GPHN: variants seen among roughly 807,000 people sequenced by gnomAD.
GPHN encodes the protein gephyrin.
A neutral mutation model predicts 95.5 loss-of-function variants in GPHN; 17 were observed. The observed-to-expected ratio is 0.18, with a 90% CI of 0.12 to 0.27. The LOEUF is 0.27. Among genes scored for constraint, GPHN ranks in the 10% least tolerant of loss-of-function variants. The pLI is 1.00. For missense variants in GPHN, 660 were observed against 978.1 expected (o/e 0.67, Z 4.34); for synonymous variants, 320 against 322.5 (o/e 0.99, Z 0.08).
intron 1 of GPHN, among the ~76,000 whole-genome samples, chr14:66,546,605 A>C (rs1279552265): frequency 1.3e-5 from 2 of 152,104 alleles, no homozygotes; most frequent in African/African-American, 4.8e-5. Flanking sequence ...CCCCGTCTCC[A>C]CCAAAAAAAT....
chr14:66,645,707 G>C (rs1003196520), intron 1 of GPHN, among the ~76,000 whole-genome samples: 1 of 141,044 alleles, frequency 7.1e-6, no homozygotes, highest in Non-Finnish European at 1.5e-5. Flanking sequence ...AAAAAAAAAA[G>C]AAAATTTTTT....
the GPHN span, among the ~76,000 whole-genome samples, chr14:67,202,172 G>A: frequency 6.6e-5 from 10 of 152,210 alleles, no homozygotes; most frequent in South Asian, 1.0e-3. Context: ...CAGGCACAGC[G>A]GCTCACGCCT....
chr14:67,017,228 G>C (rs2073364898), intron 9 of GPHN, among the ~76,000 whole-genome samples: 1 of 152,030 alleles, frequency 6.6e-6, no homozygotes, highest in Non-Finnish European at 1.5e-5. Context: ...CCAAATACTT[G>C]CATCCTAATT....
the GPHN span, among the ~76,000 whole-genome samples, chr14:67,195,107 A>T: frequency 1.3e-5 from 2 of 152,242 alleles, no homozygotes; most frequent in African/African-American, 4.8e-5. Context: ...AAAATTTAGC[A>T]CACACTTCTC....
chr14:67,618,322 G>C, the GPHN span, among the ~76,000 whole-genome samples: 1 of 152,056 alleles, frequency 6.6e-6, no homozygotes, highest in East Asian at 1.9e-4. Context: ...CTTCTAACAA[G>C]TATCTGGTGA....
At chr14:66,541,805 C>G (rs1216719474) in intron 1 of GPHN, among the ~76,000 whole-genome samples, 1 of 152,176 alleles carries the variant, frequency 6.6e-6, no homozygotes, top group Non-Finnish European at 1.5e-5. Flanking sequence ...AACAAATTCA[C>G]AGAGCAGCTT....
At chr14:67,063,216 A>G (rs776796969) in intron 11 of GPHN, among the ~76,000 whole-genome samples, 10 of 152,176 alleles carry the variant, frequency 6.6e-5, no homozygotes, top group Non-Finnish European at 1.3e-4. Flanking sequence ...TGTTTTTGTC[A>G]GGATTGTCAA....
the GPHN span, among the ~76,000 whole-genome samples, chr14:67,308,017 G>A: frequency 2.6e-5 from 4 of 152,072 alleles, no homozygotes; most frequent in African/African-American, 9.7e-5. Flanking sequence ...TTACATGTGG[G>A]AGCTAAATGA....
At chr14:67,091,132 C>T (rs77586253) in intron 12 of GPHN, among the ~76,000 whole-genome samples, 1,831 of 151,946 alleles carry the variant, frequency 0.012, 19 homozygotes, top group Non-Finnish European at 0.018. Context: ...AGAGATTGAG[C>T]TTATGTTTTT....
chr14:67,150,811 A>T (rs1297069359), intron 18 of GPHN, among the ~76,000 whole-genome samples: 1 of 152,082 alleles, frequency 6.6e-6, no homozygotes, highest in Non-Finnish European at 1.5e-5. Flanking sequence ...CTCCTGCCTC[A>T]GCCTCCCAAG....
chr14:67,490,191 C>T, the GPHN span, among the ~76,000 whole-genome samples: 1 of 152,054 alleles, frequency 6.6e-6, no homozygotes, highest in Non-Finnish European at 1.5e-5. Context: ...ATTTATAGGC[C>T]ACCATCACAG....
the GPHN span, among the ~76,000 whole-genome samples, chr14:67,194,117 C>T: frequency 0.19 from 29,285 of 151,816 alleles, 4,526 homozygotes; most frequent in East Asian, 0.44. Flanking sequence ...AATCCTAGCA[C>T]TTTGGGAGGC....
chr14:66,846,605 A>G (rs896629235), intron 4 of GPHN, among the ~76,000 whole-genome samples: 2 of 152,190 alleles, frequency 1.3e-5, no homozygotes, highest in Non-Finnish European at 2.9e-5. Flanking sequence ...TAAGAATGAT[A>G]AAGTCTGTAT....
At chr14:67,695,555 T>G in the GPHN span, 1 of 1,461,066 alleles carries the variant, frequency 6.8e-7, no homozygotes, top group Non-Finnish European at 9.4e-7. Flanking sequence ...CCAAGAAAGC[T>G]TTGGTGGGGA....
At chr14:66,934,890 T>C (rs924252715) in intron 8 of GPHN, among the ~76,000 whole-genome samples, 3 of 152,212 alleles carry the variant, frequency 2.0e-5, no homozygotes, top group African/African-American at 7.2e-5. Context: ...ACTATTATAA[T>C]ATACCTGAAT....
chr14:67,542,068 A>G, the GPHN span: 1 of 1,361,460 alleles, frequency 7.3e-7, no homozygotes, highest in African/African-American at 1.5e-5. Flanking sequence ...TGAGAGAGGG[A>G]GAGTTGCGGA....
chr14:67,606,360 C>T, the GPHN span, among the ~76,000 whole-genome samples: 1 of 152,160 alleles, frequency 6.6e-6, no homozygotes. Flanking sequence ...TGGAATGTTT[C>T]TCTTCCCTTG....
intron 1 of GPHN, among the ~76,000 whole-genome samples, chr14:66,644,990 T>C (rs2064653910): frequency 6.6e-6 from 1 of 152,204 alleles, no homozygotes. Flanking sequence ...AGTCTGTTTA[T>C]GTTTATCCTT....
At chr14:66,920,097 A>G (rs1015814767) in intron 6 of GPHN, among the ~76,000 whole-genome samples, 3 of 152,086 alleles carry the variant, frequency 2.0e-5, no homozygotes, top group Non-Finnish European at 4.4e-5. Context: ...ATGGTTAACT[A>G]GATTTGACCC....
Sources: gnomAD v4.1 joint callset for allele counts (sites outside exome capture counted in the v4.1 genomes callset) on GRCh38, gnomAD v4.1.1 for gene constraint, MANE v1.5 for transcripts, NCBI Gene and HGNC (gene_info 2026-07-23, HGNC 2026-07-21) for gene names.